Variants in ADAMTS2 observed in about 807,000 individuals in gnomAD.
The protein encoded by ADAMTS2 is A disintegrin and metalloproteinase with thrombospondin motifs 2.
In ADAMTS2, 50 loss-of-function variants were observed where a neutral mutation model predicts 123.0. The observed-to-expected ratio is 0.41, with a 90% CI of 0.32 to 0.51. The LOEUF is 0.51. ADAMTS2 is among the 20% of genes least tolerant of loss of function. The pLI is 0.35. For missense variants in ADAMTS2, 1,494 were observed against 1,705.2 expected, an observed-to-expected ratio of 0.88 and a Z score of 2.18; for synonymous variants, 678 against 695.4, an observed-to-expected ratio of 0.98 and a Z score of 0.39.
rs1278970727 is a variant in ADAMTS2, at chr5:179,162,567, C to T, written c.976-3688G>A. ...TGCACACCATACCGTATGGGCCCCT[C>T]CTGGGGCCGTCACCCATGTCAGCTT... On this transcript the variant is annotated intron_variant, in intron 5 of 21. Transcript: ENST00000251582. This position sits in a 1 kb window ranked among gnomAD's most constrained non-coding sequence, Gnocchi z 5.1. Among the ~76,000 whole-genome samples the T allele has an allele frequency of 6.6e-6, 1 of 152,202 alleles. No homozygotes were observed. The highest frequency in any genetic ancestry group is 2.4e-5 in the African/African-American group (1 of 41,456).
intron 2 of ADAMTS2, among the ~76,000 whole-genome samples, chr5:179,301,713 G>C (rs1430559739): frequency 6.6e-6 from 1 of 152,278 alleles, no homozygotes; most frequent in East Asian, 1.9e-4. Context: ...TAAGTATGCT[G>C]AACTTCAGTT....
In ADAMTS2 at chr5:179,117,282, T is replaced by A. The variant is rs1381586607; in HGVS notation, c.3179-2958A>T. On this transcript the variant is annotated intron_variant, in intron 21 of 21. Coordinates refer to ENST00000251582, the MANE Select transcript of ADAMTS2 (RefSeq NM_014244.5). This position sits in a 1 kb window ranked among gnomAD's most constrained non-coding sequence, Gnocchi z 4.2. Reference sequence around the variant, plus strand: ...ATAGGCTTTGACAAAGGAGGGAGCCTGGGCCTGATGGTGCTGGGAGGGACA... The same window carrying A: ...ATAGGCTTTGACAAAGGAGGGAGCCAGGGCCTGATGGTGCTGGGAGGGACA... Among the ~76,000 whole-genome samples the A allele has an allele frequency of 1.3e-5, 2 of 152,186 alleles. No homozygotes were observed. Among genetic ancestry groups the A allele is most frequent in the African/African-American group, 2.4e-5 (1 of 41,446 alleles).
At chr5:179,278,172 GA>G (rs1766796477) in intron 2 of ADAMTS2, among the ~76,000 whole-genome samples, 1 of 100,810 alleles carries the variant, frequency 9.9e-6, no homozygotes, top group Non-Finnish European at 2.0e-5. Context: ...TGACCCCCCC[GA>G]GACCAAAGGC....
At chr5:179,164,315 G>A (rs1401023747) in intron 5 of ADAMTS2, among the ~76,000 whole-genome samples, 1 of 152,242 alleles carries the variant, frequency 6.6e-6, no homozygotes, top group Non-Finnish European at 1.5e-5. Flanking sequence ...AGAGGCCAGG[G>A]CAAGGTCTGT....
chr5:179,315,306 G>A (rs1756960456), intron 2 of ADAMTS2, among the ~76,000 whole-genome samples: 1 of 152,238 alleles, frequency 6.6e-6, no homozygotes, highest in Non-Finnish European at 1.5e-5. Context: ...TTGGCTTCTG[G>A]AAAGCACTGA....
At chr5:179,343,673 A>T in intron 2 of ADAMTS2, 94 bp downstream of exon 2, 3 of 1,499,924 alleles carry the variant, frequency 2.0e-6, no homozygotes, top group Non-Finnish European at 2.7e-6. Context: ...TCCTCAGCGC[A>T]GGCCTTGCCC....
intron 2 of ADAMTS2, among the ~76,000 whole-genome samples, chr5:179,299,530 AACACACACACACAC>A (rs3986821): frequency 6.6e-5 from 8 of 120,524 alleles, no homozygotes; most frequent in South Asian, 6.5e-4. Flanking sequence ...CTCCAACTCA[AACACACACACACAC>A]ACACACACAC....
chr5:179,292,187 G>A (rs536194915), intron 2 of ADAMTS2, among the ~76,000 whole-genome samples: 3 of 152,074 alleles, frequency 2.0e-5, no homozygotes, highest in Admixed American at 2.0e-4. Context: ...CATTCCCGGG[G>A]GCAGAGAGAA....
intron 10 of ADAMTS2, among the ~76,000 whole-genome samples, chr5:179,147,783 C>A (rs753108983): frequency 5.9e-5 from 9 of 152,162 alleles, no homozygotes; most frequent in Non-Finnish European, 1.3e-4. Flanking sequence ...ATGCCCAAGG[C>A]CATTCTAATG....
chr5:179,297,778 C>G (rs1382775598), intron 2 of ADAMTS2, among the ~76,000 whole-genome samples: 1 of 151,784 alleles, frequency 6.6e-6, no homozygotes, highest in Non-Finnish European at 1.5e-5. Flanking sequence ...TCAGGGCTCT[C>G]CACAAGTCCC....
At chr5:179,341,357 A>AAAGG (rs567831284) in intron 2 of ADAMTS2, 133 of 398,988 alleles carry the variant, frequency 3.3e-4, no homozygotes, top group Non-Finnish European at 5.2e-4. Flanking sequence ...AGAAAGAAAA[A>AAAGG]AAGGAAGGAA....
chr5:179,223,271 C>T (rs931141559), intron 3 of ADAMTS2, among the ~76,000 whole-genome samples: 7 of 151,608 alleles, frequency 4.6e-5, no homozygotes, highest in East Asian at 1.9e-4. Context: ...CACACTCACA[C>T]GAATGCACTC....
At position 179,128,461 on chromosome 5, in the gene ADAMTS2, C is replaced by T; in HGVS notation, c.2458-343G>A. 6.6e-6 allele frequency among the ~76,000 whole-genome samples: 1 copy of T among 152,136 alleles called. No homozygotes were observed. The highest frequency in any genetic ancestry group is 1.5e-5 in the Non-Finnish European group (1 of 68,024). ...AGGCTGGAGTGTAGTGGCACGATCT[C>T]GGCTCACTGCAACCTCCGCCTCCCA... is the stretch of plus-strand genomic sequence containing the variant. On this transcript the variant is annotated intron_variant, in intron 16 of 21. Transcript: ENST00000251582. This position sits in a 1 kb window ranked among gnomAD's most constrained non-coding sequence, Gnocchi z 4.9.
At chr5:179,123,674 C>T (rs558276197) in intron 19 of ADAMTS2, among the ~76,000 whole-genome samples, 1 of 152,372 alleles carries the variant, frequency 6.6e-6, no homozygotes, top group African/African-American at 2.4e-5. Flanking sequence ...GGCGATCCAC[C>T]CGCCTGGGCC....
chr5:179,333,873 C>T (rs1465374684), intron 2 of ADAMTS2, among the ~76,000 whole-genome samples: 5 of 152,094 alleles, frequency 3.3e-5, no homozygotes, highest in South Asian at 4.1e-4. Context: ...GTTACACAGG[C>T]GTGAGCCACT....
At chr5:179,171,774 C>A (rs973743609) in intron 5 of ADAMTS2, among the ~76,000 whole-genome samples, 2 of 152,072 alleles carry the variant, frequency 1.3e-5, no homozygotes, top group Non-Finnish European at 2.9e-5. Context: ...GAGTTAGGAG[C>A]AGAAAAAAAG....
intron 10 of ADAMTS2, among the ~76,000 whole-genome samples, chr5:179,142,618 A>G (rs1351419065): frequency 1.3e-5 from 2 of 152,208 alleles, no homozygotes; most frequent in South Asian, 4.1e-4. Flanking sequence ...GAATGACCAG[A>G]AGCTTAATGG....
In ADAMTS2 at chr5:179,306,133, T is replaced by TA. The variant is rs965928377; in HGVS notation, c.535-33070dup. 1.4e-3 allele frequency among the ~76,000 whole-genome samples: 203 copies of TA among 142,108 alleles called. 1 individual carries two copies. Among genetic ancestry groups the TA allele is most frequent in the East Asian group, 6.9e-3 (34 of 4,936 alleles). The allele number at this position is 142,108 out of a possible 152,430, so 93.2% of individuals were successfully genotyped here. On this transcript the variant is annotated intron_variant, in intron 2 of 21. Transcript: ENST00000251582. ...TTAAAACCAGACAAAGACAGTTCAA[T>TA]AAAAAAAAAAACCCTACAAACCAAT...
rs573324447 is a variant in ADAMTS2 at position 179,291,458 on chromosome 5, G to A, written c.535-18394C>T. 2.6e-4 allele frequency among the ~76,000 whole-genome samples: 39 copies of A among 152,274 alleles called. 1 individual carries two copies. Among genetic ancestry groups the A allele is most frequent in the Non-Finnish European group, 4.0e-4 (27 of 68,016 alleles). Reference sequence around the variant, plus strand: ...GGAAGCTGTTGCCCTGCAATGCCACGACCCTTCCCGTGTCCTCTCTTGCCT... The same window carrying A: ...GGAAGCTGTTGCCCTGCAATGCCACAACCCTTCCCGTGTCCTCTCTTGCCT... On this transcript the variant is annotated intron_variant, in intron 2 of 21. Coordinates refer to ENST00000251582, the MANE Select transcript of ADAMTS2 (RefSeq NM_014244.5).
Sources: gnomAD v4.1 joint callset for allele counts (sites outside exome capture counted in the v4.1 genomes callset) on GRCh38, gnomAD v4.1.1 for gene constraint, Gnocchi (gnomAD v3.1) non-coding constraint, MANE v1.5 for transcripts, NCBI Gene and HGNC (gene_info 2026-07-23, HGNC 2026-07-21) for gene names.